CADM2: variants seen among roughly 807,000 people sequenced by gnomAD.
CADM2 encodes the protein cell adhesion molecule 2.
CADM2 carries 12 observed loss-of-function variants against 49.8 expected under a neutral mutation model. That is an observed-to-expected ratio of 0.24 (90% CI 0.15 to 0.39). The LOEUF (loss-of-function observed/expected upper bound fraction) is 0.39. CADM2 is among the 10% of genes least tolerant of loss of function. The pLI is 1.00. For missense variants in CADM2, 378 were observed against 492.3 expected, an observed-to-expected ratio of 0.77 and a Z score of 2.20; for synonymous variants, 214 against 175.4, an observed-to-expected ratio of 1.22 and a Z score of -1.74.
chr3:85,686,197 T>C (rs1351358657), intron 1 of CADM2, among the ~76,000 whole-genome samples: 1 of 152,224 alleles, frequency 6.6e-6, no homozygotes, highest in African/African-American at 2.4e-5. Context: ...GTTTCTAACA[T>C]TGAAGACTAA....
At chr3:85,912,597 G>T in intron 6 of CADM2, 54 bp downstream of exon 6, 1 of 1,523,318 alleles carries the variant, frequency 6.6e-7, no homozygotes, top group South Asian at 1.2e-5. Flanking sequence ...CTCTTCATCT[G>T]CATCTAAAAT....
intron 1 of CADM2, among the ~76,000 whole-genome samples, chr3:85,725,027 T>C (rs1400917281): frequency 1.3e-5 from 2 of 151,884 alleles, no homozygotes; most frequent in Non-Finnish European, 2.9e-5. Flanking sequence ...TTAAAAAAAA[T>C]CTTCACAATA....
intron 1 of CADM2, among the ~76,000 whole-genome samples, chr3:85,388,227 A>G (rs569588165): frequency 3.9e-4 from 60 of 152,234 alleles, no homozygotes; most frequent in African/African-American, 1.4e-3. Flanking sequence ...GGTCTCACCA[A>G]GTTGCCCAGA....
At chr3:85,800,062 T>G (rs1412985198) in intron 2 of CADM2, 1 of 152,262 alleles carries the variant, frequency 6.6e-6, no homozygotes, top group Non-Finnish European at 1.5e-5. Context: ...GGCTGCTGCC[T>G]TTCTTTTAGG....
intron 8 of CADM2, among the ~76,000 whole-genome samples, chr3:85,974,710 A>G (rs1726560636): frequency 6.6e-6 from 1 of 151,644 alleles, no homozygotes; most frequent in Non-Finnish European, 1.5e-5. Flanking sequence ...TACTCAGATT[A>G]TTTACATTGC....
At chr3:85,614,938 T>G (rs1290763562) in intron 1 of CADM2, among the ~76,000 whole-genome samples, 1 of 152,040 alleles carries the variant, frequency 6.6e-6, no homozygotes, top group African/African-American at 2.4e-5. Context: ...ATAACTAATT[T>G]CATTCTAAAA....
rs1363869193 is a variant in CADM2, at chr3:85,817,344, A to G, written c.238+15148A>G. 2.6e-5 allele frequency among the ~76,000 whole-genome samples: 4 copies of G among 152,344 alleles called. No individual in the cohort carries two copies. The East Asian group carries it at 7.7e-4, about 29-fold the overall frequency. ...GTAGTAGTTTAGAAAGAATAGCAGC[A>G]GTGCAAATCTATACATAATATATTG... On this transcript the variant is annotated intron_variant, in intron 3 of 9. Transcript: ENST00000383699.
At chr3:86,027,680 C>A (rs891845610) in intron 8 of CADM2, among the ~76,000 whole-genome samples, 3 of 151,994 alleles carry the variant, frequency 2.0e-5, no homozygotes, top group African/African-American at 7.2e-5. Context: ...ATGATTTTAT[C>A]ATATTAAATG....
At chr3:85,784,534 CT>C (rs2070856998) in intron 2 of CADM2, among the ~76,000 whole-genome samples, 1 of 21,754 alleles carries the variant, frequency 4.6e-5, no homozygotes, top group African/African-American at 5.3e-4. Flanking sequence ...ATATATTTAT[CT>C]ATCTATCTAT....
chr3:85,397,300 C>T (rs1170835810), intron 1 of CADM2, among the ~76,000 whole-genome samples: 2 of 152,118 alleles, frequency 1.3e-5, no homozygotes, highest in Non-Finnish European at 2.9e-5. Context: ...ATCTGTGCAT[C>T]ACTGTGGAAC....
At chr3:85,616,684 C>G (rs1402978941) in intron 1 of CADM2, among the ~76,000 whole-genome samples, 1 of 151,988 alleles carries the variant, frequency 6.6e-6, no homozygotes, top group Non-Finnish European at 1.5e-5. Context: ...AATTTAGGTT[C>G]CCAATAATAA....
intron 8 of CADM2, among the ~76,000 whole-genome samples, chr3:86,024,447 A>G (rs1733611815): frequency 6.6e-6 from 1 of 152,330 alleles, no homozygotes; most frequent in South Asian, 2.1e-4. Flanking sequence ...TATTTCTACC[A>G]AGAGATACTT....
intron 1 of CADM2, among the ~76,000 whole-genome samples, chr3:85,518,531 G>A (rs2106882863): frequency 6.6e-6 from 1 of 151,434 alleles, no homozygotes; most frequent in East Asian, 2.0e-4. Context: ...GAGCAAAAAT[G>A]TTTTCTTTCA....
At chr3:85,935,176 A>C (rs1030736886) in intron 6 of CADM2, among the ~76,000 whole-genome samples, 1 of 152,118 alleles carries the variant, frequency 6.6e-6, no homozygotes. Flanking sequence ...ACATATAACA[A>C]ATGTTAACTT....
intron 1 of CADM2, among the ~76,000 whole-genome samples, chr3:85,139,991 G>C (rs543810171): frequency 1.3e-5 from 2 of 152,210 alleles, no homozygotes; most frequent in South Asian, 4.1e-4. Context: ...CAGATAACAC[G>C]TTCAGTTTCA....
intron 1 of CADM2, among the ~76,000 whole-genome samples, chr3:85,442,958 T>A (rs1283574098): frequency 1.3e-5 from 2 of 151,924 alleles, no homozygotes; most frequent in East Asian, 3.9e-4. Flanking sequence ...ATATATAGTA[T>A]GAATGCATAT....
chr3:85,677,595 A>G (rs1243257320), intron 1 of CADM2, among the ~76,000 whole-genome samples: 1 of 152,180 alleles, frequency 6.6e-6, no homozygotes, highest in Admixed American at 6.5e-5. Flanking sequence ...AAATATATAG[A>G]TAAAATAAAG....
intron 1 of CADM2, among the ~76,000 whole-genome samples, chr3:85,095,161 A>T (rs1339502254): frequency 2.6e-5 from 4 of 152,212 alleles, no homozygotes; most frequent in Non-Finnish European, 5.9e-5. Flanking sequence ...TTAATTTATA[A>T]ATGGAAAGAC....
intron 1 of CADM2, among the ~76,000 whole-genome samples, chr3:85,297,656 C>T (rs1022292475): frequency 6.6e-6 from 1 of 151,926 alleles, no homozygotes; most frequent in African/African-American, 2.4e-5. Context: ...ATTTTTCTCC[C>T]CATCTCACAC....
Sources: gnomAD v4.1 joint callset for allele counts (sites outside exome capture counted in the v4.1 genomes callset) on GRCh38, gnomAD v4.1.1 for gene constraint, MANE v1.5 for transcripts, NCBI Gene and HGNC (gene_info 2026-07-23, HGNC 2026-07-21) for gene names.